Variants in TMPRSS11F observed in about 807,000 individuals in gnomAD.
TMPRSS11F encodes transmembrane protease serine 11F.
A neutral mutation model predicts 60.2 loss-of-function variants in TMPRSS11F; 47 were observed. The observed-to-expected ratio is 0.78, with a 90% CI of 0.62 to 1.00. TMPRSS11F has a LOEUF of 1.00. Ranked by LOEUF, TMPRSS11F falls within the 50% of genes least tolerant of loss-of-function variation. The pLI is 0.00. For synonymous variants in TMPRSS11F, 166 were observed against 167.3 expected, an observed-to-expected ratio of 0.99 and a Z score of 0.06; for missense variants, 519 against 522.9, an observed-to-expected ratio of 0.99 and a Z score of 0.07.
intron 3 of TMPRSS11F, among the ~76,000 whole-genome samples, chr4:68,082,004 C>T (rs1262281801): frequency 6.6e-6 from 1 of 152,174 alleles, no homozygotes; most frequent in Non-Finnish European, 1.5e-5. Context: ...AACTTTCCCA[C>T]TGAGAGAGAC....
chr4:68,114,609 G>GA (rs1267793705), intron 1 of TMPRSS11F, among the ~76,000 whole-genome samples: 1 of 149,944 alleles, frequency 6.7e-6, no homozygotes, highest in Non-Finnish European at 1.5e-5. Flanking sequence ...CCAGAAAATA[G>GA]AAAAAAAGGA....
At chr4:68,108,937 C>G (rs1724354765) in intron 1 of TMPRSS11F, among the ~76,000 whole-genome samples, 1 of 152,140 alleles carries the variant, frequency 6.6e-6, no homozygotes. Context: ...TACAATTAAT[C>G]CACTTCAATC....
chr4:68,107,001 A>G (rs1450183402), intron 1 of TMPRSS11F, among the ~76,000 whole-genome samples: 1 of 152,164 alleles, frequency 6.6e-6, no homozygotes, highest in Non-Finnish European at 1.5e-5. Context: ...CAGCAAGGTC[A>G]GCTATACCTC....
chr4:68,106,213 T>A (rs748528038), intron 1 of TMPRSS11F, among the ~76,000 whole-genome samples: 44 of 152,158 alleles, frequency 2.9e-4, no homozygotes, highest in Non-Finnish European at 5.9e-5. Flanking sequence ...GGAGTACACA[T>A]CAAAAGAGTC....
chr4:68,074,820 G>A lies in TMPRSS11F; in HGVS notation c.283-811C>T, dbSNP rs1299119815. ...TGTCAAAAAAGCACTGGGCTAGCAGGGTGCAGTGGCTCACGCCTGTAATCC... is the reference window on the plus strand; with the variant it reads ...TGTCAAAAAAGCACTGGGCTAGCAGAGTGCAGTGGCTCACGCCTGTAATCC... On this transcript the variant is annotated intron_variant, in intron 3 of 9. Coordinates refer to ENST00000356291, the MANE Select transcript of TMPRSS11F (RefSeq NM_207407.2). Among the ~76,000 whole-genome samples the A allele has an allele frequency of 2.0e-5, 3 of 152,060 alleles. No homozygotes were observed. In the South Asian group the frequency reaches 6.2e-4, roughly 32 times the overall value.
At chr4:68,120,605 G>T (rs1724606461) in intron 1 of TMPRSS11F, among the ~76,000 whole-genome samples, 1 of 151,706 alleles carries the variant, frequency 6.6e-6, no homozygotes, top group African/African-American at 2.4e-5. Flanking sequence ...AGCCGGGATG[G>T]TCTCGATCTC....
intron 1 of TMPRSS11F, among the ~76,000 whole-genome samples, chr4:68,117,264 G>A (rs1362135842): frequency 6.6e-6 from 1 of 151,808 alleles, no homozygotes; most frequent in Non-Finnish European, 1.5e-5. Flanking sequence ...TCAGGAGATC[G>A]AGACCATCCA....
At chr4:68,100,866 G>A (rs1724178101) in intron 1 of TMPRSS11F, among the ~76,000 whole-genome samples, 1 of 152,126 alleles carries the variant, frequency 6.6e-6, no homozygotes, top group African/African-American at 2.4e-5. Flanking sequence ...ATGTACTCAT[G>A]TGAAACACCA....
At chr4:68,070,969 A>G (rs1723448829) in intron 5 of TMPRSS11F, among the ~76,000 whole-genome samples, 1 of 152,196 alleles carries the variant, frequency 6.6e-6, no homozygotes, top group Non-Finnish European at 1.5e-5. Context: ...TGGTATTAAA[A>G]CAACTTGTAT....
chr4:68,123,894 T>G lies in TMPRSS11F; in HGVS notation c.11+5916A>C, dbSNP rs555542596. On this transcript the variant is annotated intron_variant, in intron 1 of 9. Transcript: ENST00000356291. ...GAATTCAGTGTTAAAGATAGGAGCA[T>G]CACAAATAACTTATATTTAATCTAT... 2.6e-5 allele frequency among the ~76,000 whole-genome samples: 4 copies of G among 152,264 alleles called. No individual in the cohort carries two copies. The South Asian group carries it at 8.3e-4, about 32-fold the overall frequency.
chr4:68,077,134 G>A (rs1723601540), intron 3 of TMPRSS11F: 2 of 152,228 alleles, frequency 1.3e-5, no homozygotes, highest in African/African-American at 2.4e-5. Flanking sequence ...TGCAAGAAGG[G>A]TTCCAATTAA....
intron 7 of TMPRSS11F, 125 bp downstream of exon 7, chr4:68,068,493 G>T: frequency 2.8e-6 from 2 of 714,038 alleles, no homozygotes; most frequent in South Asian, 3.5e-5. Flanking sequence ...CCATTTAGGG[G>T]ACAGCTAGGT....
chr4:68,103,506 TTTG>T (rs1301521706), intron 1 of TMPRSS11F, among the ~76,000 whole-genome samples: 1 of 152,124 alleles, frequency 6.6e-6, no homozygotes, highest in Non-Finnish European at 1.5e-5. Context: ...AGCTCTCTAC[TTTG>T]TTTTACTGCC....
Position 68,063,316 on chromosome 4 carries a change from T to C in TMPRSS11F, c.1015+1369A>G, listed in dbSNP as rs776656279. ...CCAACTGATGGCGGAAACTTAAGTA[T>C]TTCTTATTTCTCATTAAAACATTCA... On this transcript the variant is annotated intron_variant, in intron 8 of 9. Coordinates refer to ENST00000356291, the MANE Select transcript of TMPRSS11F (RefSeq NM_207407.2). The C allele has an allele frequency of 6.0e-4, 306 of 506,832 alleles. 2 individuals are homozygous for C. Among genetic ancestry groups the C allele is most frequent in the Middle Eastern group, 3.2e-3 (7 of 2,154 alleles). The allele number at this position is 506,832 out of a possible 1,614,324, so 31.4% of individuals were successfully genotyped here. A position where few individuals can be genotyped will look rare whatever the true frequency, so the allele number is the denominator to read the frequency against.
chr4:68,107,442 C>G (rs1724324519), intron 1 of TMPRSS11F, among the ~76,000 whole-genome samples: 1 of 152,080 alleles, frequency 6.6e-6, no homozygotes, highest in Admixed American at 6.6e-5. Flanking sequence ...AAGGTGATAT[C>G]TAAGTGGAGA....
chr4:68,060,683 A>T (rs1235445421), intron 8 of TMPRSS11F, among the ~76,000 whole-genome samples: 1 of 151,668 alleles, frequency 6.6e-6, no homozygotes. Flanking sequence ...TAAAATATGA[A>T]TTTTTCCCTT....
At chr4:68,085,706 C>G (rs965229858) in intron 3 of TMPRSS11F, among the ~76,000 whole-genome samples, 3 of 151,952 alleles carry the variant, frequency 2.0e-5, no homozygotes, top group Non-Finnish European at 4.4e-5. Flanking sequence ...CCCATAGGCT[C>G]AAAGTAAAGG....
chr4:68,072,226 A>ATATATATATATATATATATATATATAT (rs61224244), intron 5 of TMPRSS11F, 97 bp downstream of exon 5: 1,530 of 78,832 alleles, frequency 0.019, 469 homozygotes, highest in East Asian at 0.038. Flanking sequence ...TCTTCCAAAA[A>ATATATATATATATATATATATATATAT]AAAAATATAT....
chr4:68,117,573 A>T lies in TMPRSS11F; in HGVS notation c.11+12237T>A, dbSNP rs193191332. Among the ~76,000 whole-genome samples the T allele has an allele frequency of 5.3e-5, 8 of 152,060 alleles. No individual in the cohort carries two copies. The East Asian group carries it at 1.5e-3, about 29-fold the overall frequency. On this transcript the variant is annotated intron_variant, in intron 1 of 9. Transcript: ENST00000356291. ...ACAGGTTTATGAGACGGTGAACAAC[A>T]TTCCTAATTATCAGGAAAATGCAAG...
Sources: allele counts gnomAD v4.1 joint callset (sites outside exome capture counted in the v4.1 genomes callset), GRCh38; gene constraint gnomAD v4.1.1; transcripts MANE v1.5; gene names NCBI Gene and HGNC (gene_info 2026-07-23, HGNC 2026-07-21).